The following RAB2B variants were observed in gnomAD, a reference collection of about 807,000 sequenced individuals.
The protein encoded by RAB2B is ras-related protein Rab-2B.
A neutral mutation model predicts 29.8 loss-of-function variants in RAB2B; 20 were observed. That is an observed-to-expected ratio of 0.67 (90% CI 0.47 to 0.97). RAB2B has a LOEUF of 0.97. Ranked by LOEUF, RAB2B falls within the 50% of genes least tolerant of loss-of-function variation. The probability of loss-of-function intolerance (pLI) is 0.00; values close to 1 mark genes in which losing one functional copy is unlikely to be tolerated. For synonymous variants in RAB2B, 93 were observed against 91.7 expected (o/e 1.01, Z -0.08); for missense variants, 218 against 272.0 (o/e 0.80, Z 1.40).
intron 7 of RAB2B, 145 bp downstream of exon 7, chr14:21,462,201 TTAAA>T: frequency 1.9e-6 from 1 of 538,586 alleles, no homozygotes; most frequent in Non-Finnish European, 3.0e-6. Context: ...GTACCTAGAT[TTAAA>T]AAAAAAAAAA....
intron 5 of RAB2B, among the ~76,000 whole-genome samples, chr14:21,464,585 A>G (rs1405693036): frequency 2.0e-5 from 3 of 152,220 alleles, no homozygotes; most frequent in African/African-American, 4.8e-5. Context: ...TGCATATAAA[A>G]GCAGCTTGCC....
At chr14:21,461,341 T>G (rs772293443) in intron 7 of RAB2B, 38 bp from the exon 8 acceptor site, 3 of 1,451,926 alleles carry the variant, frequency 2.1e-6, no homozygotes, top group Non-Finnish European at 2.9e-6. Context: ...CACCTCAGTG[T>G]TAAAGTGAAT....
chr14:21,461,030 G>C lies in RAB2B; in HGVS notation c.*166C>G. 1 of 535,350 alleles carries C rather than the reference G, an allele frequency of 1.9e-6. No homozygotes were observed. Among genetic ancestry groups the C allele is most frequent in the Non-Finnish European group, 3.4e-6 (1 of 296,564 alleles). 33.2% of individuals were successfully genotyped at this position (535,350 alleles called of 1,614,324 possible). A position where few individuals can be genotyped will look rare whatever the true frequency, so the allele number is the denominator to read the frequency against. ...GGGAATGCTCATGTCCCTGAAGGAG[G>C]ACAGGTCAGTAAGGGCCCAAATTCT... On this transcript the variant is annotated 3_prime_UTR_variant, in exon 8 of 8. Coordinates refer to ENST00000397762, the MANE Select transcript of RAB2B (RefSeq NM_032846.4).
At chr14:21,470,043 C>T (rs1292126896) in intron 3 of RAB2B, among the ~76,000 whole-genome samples, 3 of 151,408 alleles carry the variant, frequency 2.0e-5, no homozygotes, top group Admixed American at 2.0e-4. Flanking sequence ...CCTCCGCCTC[C>T]CAGGTTCAAG....
At chr14:21,470,993 C>CAAAAAAAAAAAAAAAAAAAAAAAAAA (rs869211285) in intron 3 of RAB2B, among the ~76,000 whole-genome samples, 4 of 98,768 alleles carry the variant, frequency 4.0e-5, no homozygotes, top group African/African-American at 1.7e-4. Context: ...GCTAAAAATA[C>CAAAAAAAAAAAAAAAAAAAAAAAAAA]AAAAAAAAAA....
chr14:21,472,965 G>A (rs1890855458), intron 3 of RAB2B, among the ~76,000 whole-genome samples: 2 of 152,204 alleles, frequency 1.3e-5, no homozygotes, highest in Admixed American at 1.3e-4. Flanking sequence ...GCTGAGGAGG[G>A]CGGATCACTT....
intron 6 of RAB2B, among the ~76,000 whole-genome samples, chr14:21,463,074 T>C (rs1429400959): frequency 6.6e-6 from 1 of 151,966 alleles, no homozygotes; most frequent in Non-Finnish European, 1.5e-5. Context: ...TAGAACCCAT[T>C]AGACACTCCA....
rs1594403290 is a variant in RAB2B, at chr14:21,459,053, A to C, written c.*2143T>G. 1 of 152,782 alleles carries C rather than the reference A, an allele frequency of 6.5e-6. No individual in the cohort carries two copies. The highest frequency in any genetic ancestry group is 1.9e-4 in the East Asian group (1 of 5,194). The allele number at this position is 152,782 out of a possible 1,614,324, so 9.5% of individuals were successfully genotyped here. ...ATACATGCATATATTTAATAATGAA[A>C]CAATTCATCAACAGCAAAAAGAAAG... On this transcript the variant is annotated 3_prime_UTR_variant, in exon 8 of 8. Transcript: ENST00000397762.
chr14:21,459,344 A>T lies in RAB2B; in HGVS notation c.*1852T>A, dbSNP rs994642695. On this transcript the variant is annotated 3_prime_UTR_variant, in exon 8 of 8. Coordinates refer to ENST00000397762, the MANE Select transcript of RAB2B (RefSeq NM_032846.4). ...GGGAGGGGAGAAGGAAGAGAACTGTATAAAACCCAGGGTAAACAAATGAGT... is the reference window on the plus strand; with the variant it reads ...GGGAGGGGAGAAGGAAGAGAACTGTTTAAAACCCAGGGTAAACAAATGAGT... The T allele has an allele frequency of 1.3e-5, 2 of 152,246 alleles. No individual in the cohort carries two copies. The highest frequency in any genetic ancestry group is 4.8e-5 in the African/African-American group (2 of 41,468). The allele number at this position is 152,246 out of a possible 1,614,324, so 9.4% of individuals were successfully genotyped here. A position where few individuals can be genotyped will look rare whatever the true frequency, so the allele number is the denominator to read the frequency against.
At chr14:21,463,811 A>G (rs368351569) in intron 5 of RAB2B, 44 bp from the exon 6 acceptor site, 1 of 1,269,640 alleles carries the variant, frequency 7.9e-7, no homozygotes, top group African/African-American at 1.5e-5. Context: ...AAAAGATCCA[A>G]GTGAAAGAGG....
chr14:21,469,859 T>C (rs955655124), intron 3 of RAB2B, among the ~76,000 whole-genome samples: 4 of 152,034 alleles, frequency 2.6e-5, no homozygotes, highest in African/African-American at 9.7e-5. Context: ...TTTTGGCATA[T>C]AAAATGTGCT....
rs561942437 is a variant in RAB2B, at chr14:21,462,246, T to C, written c.543+104A>G. 22 of 877,556 alleles carry C rather than the reference T, an allele frequency of 2.5e-5. No homozygotes were observed. The African/African-American group carries it at 3.3e-4, about 13-fold the overall frequency. 54.4% of individuals were successfully genotyped at this position (877,556 alleles called of 1,614,324 possible). On this transcript the variant is annotated intron_variant, in intron 7 of 7. Transcript: ENST00000397762. ...GTGTTGAATTGGCAGAGCTTTTAAA[T>C]TGTATAATGATAGATGGGGAATGTA...
intron 2 of RAB2B, 174 bp downstream of exon 2, chr14:21,476,354 C>T (rs1890964018): frequency 1.5e-6 from 1 of 654,134 alleles, no homozygotes; most frequent in Admixed American, 2.8e-5. Context: ...CTCCCTTACA[C>T]TACTCCCCAC....
chr14:21,475,834 T>C (rs1188608232), intron 2 of RAB2B, among the ~76,000 whole-genome samples: 2 of 152,358 alleles, frequency 1.3e-5, no homozygotes, highest in East Asian at 3.9e-4. Flanking sequence ...AGGTGGGACT[T>C]GGAAGTAGCA....
intron 3 of RAB2B, among the ~76,000 whole-genome samples, chr14:21,469,444 T>A (rs918678927): frequency 6.6e-6 from 1 of 151,710 alleles, no homozygotes; most frequent in Non-Finnish European, 1.5e-5. Flanking sequence ...CAGCATAGAG[T>A]TTTCCTAGAA....
chr14:21,476,911 T>C lies in RAB2B; in HGVS notation c.-39A>G. 4 of 1,608,662 alleles carry C rather than the reference T, an allele frequency of 2.5e-6. No homozygotes were observed. Among genetic ancestry groups the C allele is most frequent in the Non-Finnish European group, 3.4e-6 (4 of 1,176,580 alleles). ...CTGGGTTCCGGGTCCGCCCGACTTC[T>C]ATAGCCACTTACCTCCGACCTCTCT... On this transcript the variant is annotated 5_prime_UTR_variant, in exon 1 of 8. In the 5' UTR this introduces an upstream ATG that the reference lacks. Transcript: ENST00000397762.
chr14:21,473,149 C>T (rs750091021), intron 3 of RAB2B, among the ~76,000 whole-genome samples: 2 of 151,814 alleles, frequency 1.3e-5, no homozygotes, highest in Non-Finnish European at 2.9e-5. Flanking sequence ...CATACACTTG[C>T]GTGTGGTGAG....
At chr14:21,465,624 A>C (rs1438600752) in intron 5 of RAB2B, among the ~76,000 whole-genome samples, 1 of 152,232 alleles carries the variant, frequency 6.6e-6, no homozygotes, top group East Asian at 1.9e-4. Flanking sequence ...AATCTGATCA[A>C]GCCACTTCTC....
chr14:21,473,708 T>C (rs753774610), intron 3 of RAB2B, among the ~76,000 whole-genome samples: 12 of 152,090 alleles, frequency 7.9e-5, no homozygotes, highest in Non-Finnish European at 1.2e-4. Context: ...CAAAACCCCA[T>C]CTCTATTAAA....
Sources: gnomAD v4.1 joint callset for allele counts (sites outside exome capture counted in the v4.1 genomes callset) on GRCh38, gnomAD v4.1.1 for gene constraint, MANE v1.5 for transcripts, NCBI Gene and HGNC (gene_info 2026-07-23, HGNC 2026-07-21) for gene names.